Variants in HEATR4 observed in about 807,000 individuals in gnomAD.
HEATR4 encodes the protein HEAT repeat containing 4.
A neutral mutation model predicts 108.8 loss-of-function variants in HEATR4; 95 were observed. The ratio of observed to expected loss-of-function variants is 0.87; its 90% CI spans 0.74 to 1.04. The LOEUF (loss-of-function observed/expected upper bound fraction) is 1.04, where lower values mean the gene tolerates loss of function less well. Ranked by LOEUF, HEATR4 falls within the 50% of genes least tolerant of loss-of-function variation. The pLI is 0.00. For synonymous variants in HEATR4, 443 were observed against 459.4 expected, an observed-to-expected ratio of 0.96 and a Z score of 0.46; for missense variants, 1,152 against 1,253.8, an observed-to-expected ratio of 0.92 and a Z score of 1.23.
the HEATR4 span, chr14:73,581,150 T>G: frequency 9.2e-5 from 14 of 151,826 alleles, no homozygotes; most frequent in African/African-American, 2.9e-4. Flanking sequence ...TTTTTTTTCT[T>G]GTGGTGAGGA....
Position 73,515,081 on chromosome 14 carries a change from CA to C in HEATR4, c.1211-848del, listed in dbSNP as rs1233751168. Among the ~76,000 whole-genome samples the C allele has an allele frequency of 8.9e-5, 12 of 135,204 alleles. No individual in the cohort carries two copies. The East Asian group carries it at 1.5e-3, about 17-fold the overall frequency. 88.7% of individuals were successfully genotyped at this position (135,204 alleles called of 152,430 possible). On this transcript the variant is annotated intron_variant, in intron 5 of 17. Coordinates refer to ENST00000553558, the MANE Select transcript of HEATR4 (RefSeq NM_001220484.1). Reference sequence around the variant, plus strand: ...AGACTCCGTTCTCAAAAAAAAAAAACAAAAAAAAAACTATAGTTATATTTTC... The same window carrying C: ...AGACTCCGTTCTCAAAAAAAAAAAACAAAAAAAAACTATAGTTATATTTTC...
Position 73,558,639 on chromosome 14 carries a change from A to G in HEATR4, c.-152+112T>C, listed in dbSNP as rs751301966. 5.0e-4 allele frequency: 76 copies of G among 151,098 alleles called. 1 individual carries two copies. The highest frequency in any genetic ancestry group is 7.7e-4 in the Non-Finnish European group (52 of 67,898). The allele number at this position is 151,098 out of a possible 1,614,324, so 9.4% of individuals were successfully genotyped here. ...CCAAAATGCTGGGAATACAGGCATG[A>G]GCCACTGCACCAGGCCTAATGTCCT... is the stretch of plus-strand genomic sequence containing the variant. On this transcript the variant is annotated intron_variant, in intron 1 of 17. Transcript: ENST00000553558.
upstream of HEATR4, among the ~76,000 whole-genome samples, chr14:73,563,759 C>T (rs901630770): frequency 6.6e-5 from 10 of 151,548 alleles, no homozygotes; most frequent in East Asian, 1.9e-4. Flanking sequence ...GACCAGAGTT[C>T]GAGACCAGTC....
At chr14:73,566,613 A>G in the HEATR4 span, among the ~76,000 whole-genome samples, 1 of 151,738 alleles carries the variant, frequency 6.6e-6, no homozygotes, top group Non-Finnish European at 1.5e-5. Flanking sequence ...TGGCAGGGCC[A>G]GCTGGCGGCT....
chr14:73,491,911 C>G, intron 17 of HEATR4: 1 of 1,612,998 alleles, frequency 6.2e-7, no homozygotes, highest in Non-Finnish European at 8.5e-7. Flanking sequence ...CCCTGCGTCT[C>G]CTCTGTCCGC....
the HEATR4 span, among the ~76,000 whole-genome samples, chr14:73,585,643 C>T: frequency 4.8e-4 from 73 of 151,650 alleles, 1 homozygote; most frequent in African/African-American, 1.7e-3. Context: ...GAGCCGGGAT[C>T]GCACCACTGC....
At chr14:73,621,965 G>A in the HEATR4 span, among the ~76,000 whole-genome samples, 1 of 151,608 alleles carries the variant, frequency 6.6e-6, no homozygotes, top group African/African-American at 2.4e-5. Flanking sequence ...GTCTCATTAC[G>A]TTGCCCGGGC....
At chr14:73,573,322 T>C in the HEATR4 span, 2 of 1,608,196 alleles carry the variant, frequency 1.2e-6, no homozygotes, top group Non-Finnish European at 1.7e-6. Context: ...AGTATATGTT[T>C]AACTTAAACC....
intron 16 of HEATR4, among the ~76,000 whole-genome samples, chr14:73,493,599 A>G (rs1885931182): frequency 6.6e-6 from 1 of 152,048 alleles, no homozygotes; most frequent in Non-Finnish European, 1.5e-5. Flanking sequence ...GCACTTTAGG[A>G]GGCCGAGGCG....
the HEATR4 span, among the ~76,000 whole-genome samples, chr14:73,624,602 C>T: frequency 6.6e-6 from 1 of 152,072 alleles, no homozygotes; most frequent in Non-Finnish European, 1.5e-5. Flanking sequence ...AAAGACTGCT[C>T]CCCTCTACCC....
the HEATR4 span, among the ~76,000 whole-genome samples, chr14:73,627,703 C>G: frequency 6.6e-6 from 1 of 152,156 alleles, no homozygotes; most frequent in Non-Finnish European, 1.5e-5. Context: ...TTTATGGAAG[C>G]CTCATCATCT....
chr14:73,565,152 G>A, the HEATR4 span, among the ~76,000 whole-genome samples: 5 of 151,926 alleles, frequency 3.3e-5, 1 homozygote, highest in Non-Finnish European at 5.9e-5. Flanking sequence ...CATTCATTAA[G>A]GTTTACTTAA....
chr14:73,481,505 A>T (rs977235019), intron 17 of HEATR4, among the ~76,000 whole-genome samples: 1 of 152,132 alleles, frequency 6.6e-6, no homozygotes, highest in Non-Finnish European at 1.5e-5. Flanking sequence ...ATACTGTATA[A>T]TTCCAATTAT....
rs1889274354 is a variant in HEATR4 at position 73,548,704 on chromosome 14, T to G, written c.-152+10047A>C. 2.6e-5 allele frequency among the ~76,000 whole-genome samples: 3 copies of G among 114,432 alleles called. 1 individual carries two copies. The South Asian group carries it at 8.5e-4, about 32-fold the overall frequency. 75.1% of individuals were successfully genotyped at this position (114,432 alleles called of 152,430 possible). On this transcript the variant is annotated intron_variant, in intron 1 of 17. Transcript: ENST00000553558. ...CTCAGAGTTCTATCTTGAGACTCAC[T>G]GGGGGAGGAGAAAGGGGAAAGGAAA...
the HEATR4 span, among the ~76,000 whole-genome samples, chr14:73,615,388 T>TAAAAAAAAAAAAAAAAAAAAAAAAAA: frequency 1.6e-5 from 1 of 63,336 alleles, no homozygotes; most frequent in African/African-American, 1.0e-4. Flanking sequence ...CTCTGTCTGA[T>TAAAAAAAAAAAAAAAAAAAAAAAAAA]AAAAAAAAAA....
chr14:73,612,758 G>A, the HEATR4 span: 2 of 1,372,640 alleles, frequency 1.5e-6, no homozygotes. Context: ...GCTGGACCTG[G>A]AGCGCGCGCC....
chr14:73,519,264 T>A, intron 4 of HEATR4, 101 bp from the exon 5 acceptor site: 1 of 1,232,218 alleles, frequency 8.1e-7, no homozygotes, highest in Non-Finnish European at 1.1e-6. Context: ...CCTTTTGCCC[T>A]AATCTAAGCC....
chr14:73,508,069 A>G lies in HEATR4; in HGVS notation c.1881+65T>C. 3.4e-6 allele frequency: 5 copies of G among 1,466,396 alleles called. No homozygotes were observed. The Middle Eastern group carries it at 5.2e-4, about 153-fold the overall frequency. The allele number at this position is 1,466,396 out of a possible 1,614,324, so 90.8% of individuals were successfully genotyped here. A position where few individuals can be genotyped will look rare whatever the true frequency, so the allele number is the denominator to read the frequency against. ...CCCAGCTGCATTTCAGATTGCTTAC[A>G]TTCACTGACCTCAAAGACCTAATTG... On this transcript the variant is annotated intron_variant, in intron 9 of 17. Transcript: ENST00000553558.
intron 16 of HEATR4, among the ~76,000 whole-genome samples, chr14:73,494,545 TTTTG>T (rs1206662254): frequency 2.6e-5 from 4 of 152,022 alleles, no homozygotes; most frequent in South Asian, 2.1e-4. Context: ...AAGCACTATT[TTTTG>T]TTTGTTTGTT....
Sources: allele counts gnomAD v4.1 joint callset (sites outside exome capture counted in the v4.1 genomes callset), GRCh38; gene constraint gnomAD v4.1.1; transcripts MANE v1.5; gene names NCBI Gene and HGNC (gene_info 2026-07-23, HGNC 2026-07-21).